AGGF1: variants seen among roughly 807,000 people sequenced by gnomAD.
AGGF1 encodes angiogenic factor with G-patch and FHA domains 1, also known as angiogenic factor with G patch and FHA domains 1.
In AGGF1, 56 loss-of-function variants were observed where a neutral mutation model predicts 86.5. That is an observed-to-expected ratio of 0.65 (90% CI 0.52 to 0.81). The LOEUF is 0.81. Among genes scored for constraint, AGGF1 ranks in the 30% least tolerant of loss-of-function variants. The pLI is 0.00. For missense variants in AGGF1, 816 were observed against 850.9 expected (o/e 0.96, Z 0.51); for synonymous variants, 313 against 297.1 (o/e 1.05, Z -0.55).
chr5:77,035,248 A>G (rs762260301), intron 2 of AGGF1, among the ~76,000 whole-genome samples: 1 of 152,140 alleles, frequency 6.6e-6, no homozygotes, highest in Admixed American at 6.5e-5. Flanking sequence ...AACACAACCT[A>G]TCTACAGATT....
At chr5:77,034,097 A>G (rs1044309753) in intron 1 of AGGF1, among the ~76,000 whole-genome samples, 2 of 152,216 alleles carry the variant, frequency 1.3e-5, no homozygotes, top group African/African-American at 4.8e-5. Context: ...GTAAATTTTG[A>G]ATTTTTGAAT....
At chr5:77,043,538 A>AC (rs1192289939) in intron 5 of AGGF1, among the ~76,000 whole-genome samples, 58 of 99,194 alleles carry the variant, frequency 5.8e-4, no homozygotes, top group African/African-American at 2.0e-3. Flanking sequence ...CGGGGGGCTG[A>AC]CCCCCCCACC....
chr5:77,045,818 GT>G (rs1381394589), intron 5 of AGGF1, among the ~76,000 whole-genome samples: 1 of 152,240 alleles, frequency 6.6e-6, no homozygotes, highest in Non-Finnish European at 1.5e-5. Flanking sequence ...AGCACTTGAA[GT>G]TTTGCTAATC....
intron 5 of AGGF1, among the ~76,000 whole-genome samples, chr5:77,043,596 C>G (rs1270048470): frequency 7.6e-6 from 1 of 130,872 alleles, no homozygotes; most frequent in African/African-American, 2.8e-5. Flanking sequence ...GACCCCCCCC[C>G]CCCCGGATGG....
rs535894333 is a variant in AGGF1 at position 77,040,988 on chromosome 5, A to G, written c.870+1269A>G. Among the ~76,000 whole-genome samples, 4 of 152,272 alleles carry G rather than the reference A, an allele frequency of 2.6e-5. No homozygotes were observed. The East Asian group carries it at 7.7e-4, about 29-fold the overall frequency. On this transcript the variant is annotated intron_variant, in intron 5 of 13. Coordinates refer to ENST00000312916, the MANE Select transcript of AGGF1 (RefSeq NM_018046.5). ...AGTGATCTGCCTACCTCAGCCTCCC[A>G]AAGTGCTGGGATTATAGGCGTGAGC...
chr5:77,060,072 G>C (rs1403895751), intron 12 of AGGF1, among the ~76,000 whole-genome samples: 2 of 152,204 alleles, frequency 1.3e-5, no homozygotes, highest in African/African-American at 4.8e-5. Flanking sequence ...TTGAACTCCT[G>C]ACCTCATGAT....
At chr5:77,057,409 A>T (rs1747480432) in intron 11 of AGGF1, among the ~76,000 whole-genome samples, 1 of 152,214 alleles carries the variant, frequency 6.6e-6, no homozygotes, top group Non-Finnish European at 1.5e-5. Context: ...AATACTACTT[A>T]GCAATAAAAA....
rs537143321 is a variant in AGGF1, at chr5:77,036,088, G to A, written c.516+345G>A. On this transcript the variant is annotated intron_variant, in intron 3 of 13. Transcript: ENST00000312916. ...AATGTTCCTTTATGTCAGATACCCT[G>A]CCACTATTCAAATTTCCCTGAATCT... 19 of 267,628 alleles carry A rather than the reference G, an allele frequency of 7.1e-5. No homozygotes were observed. In the South Asian group the frequency reaches 7.8e-4, roughly 11 times the overall value. 16.6% of individuals were successfully genotyped at this position (267,628 alleles called of 1,614,324 possible).
chr5:77,056,524 G>A (rs1335292765), intron 11 of AGGF1, among the ~76,000 whole-genome samples: 2 of 151,432 alleles, frequency 1.3e-5, no homozygotes, highest in East Asian at 3.9e-4. Context: ...CACTGTGCCC[G>A]GCCAAGAGTG....
chr5:77,030,644 G>C lies in AGGF1; in HGVS notation c.-123G>C, dbSNP rs1268056164. The C allele has an allele frequency of 1.5e-5, 17 of 1,160,714 alleles. No individual in the cohort carries two copies. Among genetic ancestry groups the C allele is most frequent in the Admixed American group, 2.0e-5 (1 of 50,088 alleles). The allele number at this position is 1,160,714 out of a possible 1,614,324, so 71.9% of individuals were successfully genotyped here. A position where few individuals can be genotyped will look rare whatever the true frequency, so the allele number is the denominator to read the frequency against. On this transcript the variant is annotated 5_prime_UTR_variant, in exon 1 of 14. Transcript: ENST00000312916. The stretch of plus-strand genomic sequence containing the variant: ...GGCGTCATGGCCAGGGGCCACCGCG[G>C]CCAGCCGGGTGTGAGGCTGCCTTTC...
chr5:77,046,512 C>T lies in AGGF1; in HGVS notation c.1036C>T (p.Leu346Phe), dbSNP rs751293570. Residue 346 changes from leucine (L) to phenylalanine (F), a missense_variant, in exon 6 of 14, where the codon CTT (leucine) becomes TTT (phenylalanine). Transcript: ENST00000312916. ...PTSGNTIESPLHENISNSTSF... is the reference protein window; with the variant it reads ...PTSGNTIESPFHENISNSTSF... ...TAGTGGAAATACTATAGAGTCTCCT[C>T]TTCATGAAAACATCTCTAATTCAAC... The T allele has an allele frequency of 1.9e-6, 3 of 1,613,946 alleles. No homozygotes were observed. The highest frequency in any genetic ancestry group is 4.5e-5 in the East Asian group (2 of 44,882).
rs914057381 is a variant in AGGF1, at chr5:77,035,936, G to A, written c.516+193G>A. On this transcript the variant is annotated intron_variant, in intron 3 of 13. Transcript: ENST00000312916. ...TTAGAACTTCTTCATATATGTAGTGGTTTTCCTACTACATTGTGTTCCAAA... is the reference window on the plus strand; with the variant it reads ...TTAGAACTTCTTCATATATGTAGTGATTTTCCTACTACATTGTGTTCCAAA... 6 of 575,538 alleles carry A rather than the reference G, an allele frequency of 1.0e-5. No individual in the cohort carries two copies. In the African/African-American group the frequency reaches 1.1e-4, roughly 11 times the overall value. The allele number at this position is 575,538 out of a possible 1,614,324, so 35.7% of individuals were successfully genotyped here. A position where few individuals can be genotyped will look rare whatever the true frequency, so the allele number is the denominator to read the frequency against.
Position 77,036,729 on chromosome 5 carries a change from C to G in AGGF1, c.681+9C>G, listed in dbSNP as rs1327182074. 1.2e-6 allele frequency: 2 copies of G among 1,611,772 alleles called. No homozygotes were observed. Among genetic ancestry groups the G allele is most frequent in the Admixed American group, 1.7e-5 (1 of 60,000 alleles). On this transcript the variant is annotated intron_variant, in intron 4 of 13. Transcript: ENST00000312916. ...GTTTCTATTATGATTCTGTAAGTAT[C>G]TCAGACCTTTTTGTTTTGTTTTGTT... is the stretch of plus-strand genomic sequence containing the variant.
At position 77,030,724 on chromosome 5, in the gene AGGF1, A is replaced by C; in HGVS notation, c.-43A>C. 1 of 1,543,568 alleles carries C rather than the reference A, an allele frequency of 6.5e-7. No individual in the cohort carries two copies. Among genetic ancestry groups the C allele is most frequent in the Non-Finnish European group, 8.7e-7 (1 of 1,150,788 alleles). On this transcript the variant is annotated 5_prime_UTR_variant, in exon 1 of 14. Transcript: ENST00000312916. ...TCCGCCGGCGTCCGTTTCGGCCTGA[A>C]CGCAGCCCCTCCGCGGCGACGAGCA...
chr5:77,031,522 C>CT (rs1406842448), intron 1 of AGGF1, among the ~76,000 whole-genome samples: 1 of 152,202 alleles, frequency 6.6e-6, no homozygotes, highest in Non-Finnish European at 1.5e-5. Context: ...TATATAACTG[C>CT]TTTTGTTGGA....
At chr5:77,042,230 A>G (rs1378321594) in intron 5 of AGGF1, among the ~76,000 whole-genome samples, 1 of 151,318 alleles carries the variant, frequency 6.6e-6, no homozygotes, top group Non-Finnish European at 1.5e-5. Flanking sequence ...AGACACGGCA[A>G]CCATCCGATT....
At chr5:77,034,364 ATAT>A (rs1561283259) in intron 1 of AGGF1, 51 bp from the exon 2 acceptor site, 2 of 1,061,994 alleles carry the variant, frequency 1.9e-6, no homozygotes, top group African/African-American at 3.1e-5. Context: ...ACTGGTATAT[ATAT>A]TATTAGATTG....
chr5:77,042,288 C>T (rs1191605233), intron 5 of AGGF1, among the ~76,000 whole-genome samples: 2,386 of 147,732 alleles, frequency 0.016, 17 homozygotes, highest in African/African-American at 0.055. Context: ...CACAAAGCCG[C>T]CATTGTCATC....
chr5:77,061,566 G>A, intron 12 of AGGF1, 137 bp from the exon 13 acceptor site: 2 of 735,412 alleles, frequency 2.7e-6, no homozygotes, highest in South Asian at 3.3e-5. Context: ...TGGAATTTGT[G>A]TGTCTTCAAC....
Sources: gnomAD v4.1 joint callset for allele counts (sites outside exome capture counted in the v4.1 genomes callset) on GRCh38, gnomAD v4.1.1 for gene constraint, MANE v1.5 for transcripts, NCBI Gene and HGNC (gene_info 2026-07-23, HGNC 2026-07-21) for gene names.